The following WASHC5 variants were observed in gnomAD, a reference collection of about 807,000 sequenced individuals.
WASHC5 encodes the protein WASH complex subunit strumpellin.
Under a neutral mutation model 150.4 loss-of-function variants are expected in WASHC5, and 101 were observed. The ratio of observed to expected loss-of-function variants is 0.67; its 90% CI spans 0.57 to 0.79. WASHC5 has a LOEUF of 0.79. WASHC5 is among the 30% of genes least tolerant of loss of function. WASHC5 has a pLI of 0.00. For synonymous variants in WASHC5, 467 were observed against 491.2 expected, an observed-to-expected ratio of 0.95 and a Z score of 0.65; for missense variants, 1,195 against 1,396.3, an observed-to-expected ratio of 0.86 and a Z score of 2.30.
chr8:125,049,899 T>C lies in WASHC5; in HGVS notation c.2199+665A>G, dbSNP rs536137043. 9.2e-5 allele frequency among the ~76,000 whole-genome samples: 14 copies of C among 152,010 alleles called. No individual in the cohort carries two copies. In the East Asian group the frequency reaches 1.5e-3, roughly 17 times the overall value. ...GAGACCACAGTCATAGTTTAAGATATACTTTAAGTTTTGGAATACTCATTT... is the reference window on the plus strand; with the variant it reads ...GAGACCACAGTCATAGTTTAAGATACACTTTAAGTTTTGGAATACTCATTT... On this transcript the variant is annotated intron_variant, in intron 18 of 28. Transcript: ENST00000318410.
intron 27 of WASHC5, among the ~76,000 whole-genome samples, chr8:125,030,277 G>A (rs1005528237): frequency 6.6e-6 from 1 of 152,180 alleles, no homozygotes; most frequent in African/African-American, 2.4e-5. Flanking sequence ...GGCCAGAGGC[G>A]CTGGGTTTTT....
Position 125,076,744 on chromosome 8 carries a change from T to TAAAAAAAAAAAAAA in WASHC5, c.712-258_712-245dup, listed in dbSNP as rs59580091. Among the ~76,000 whole-genome samples, 2,845 of 131,732 alleles carry TAAAAAAAAAAAAAA rather than the reference T, an allele frequency of 0.022. 146 individuals are homozygous for TAAAAAAAAAAAAAA. Among genetic ancestry groups the TAAAAAAAAAAAAAA allele is most frequent in the African/African-American group, 0.084 (2,615 of 31,050 alleles). 86.4% of individuals were successfully genotyped at this position (131,732 alleles called of 152,430 possible). On this transcript the variant is annotated intron_variant, in intron 6 of 28. Coordinates refer to ENST00000318410, the MANE Select transcript of WASHC5 (RefSeq NM_014846.4). Reference sequence around the variant, plus strand: ...ACCGCTGCAATTCTAAGTCTTTTCTTAAAAAAAAAAAAAAAAAGTCCCATT... The same window carrying TAAAAAAAAAAAAAA: ...ACCGCTGCAATTCTAAGTCTTTTCTTAAAAAAAAAAAAAAAAAAAAAAAAAAAAAAAGTCCCATT...
At position 125,024,303 on chromosome 8, in the gene WASHC5, ACAAATAGTTC is replaced by A; in HGVS notation, c.*304_*313del. 5.1e-6 allele frequency: 2 copies of A among 389,034 alleles called. No homozygotes were observed. Among genetic ancestry groups the A allele is most frequent in the Non-Finnish European group, 9.5e-6 (2 of 210,038 alleles). The allele number at this position is 389,034 out of a possible 1,614,324, so 24.1% of individuals were successfully genotyped here. A position where few individuals can be genotyped will look rare whatever the true frequency, so the allele number is the denominator to read the frequency against. On this transcript the variant is annotated 3_prime_UTR_variant, in exon 29 of 29. Transcript: ENST00000318410. ...TATTTTACTGAAAATCTGGAGTTGCACAAATAGTTCTTTAGAACATAAAACTAAATGGATT... is the reference window on the plus strand; with the variant it reads ...TATTTTACTGAAAATCTGGAGTTGCATTTAGAACATAAAACTAAATGGATT...
At chr8:125,073,346 A>G in intron 8 of WASHC5, 22 bp from the exon 9 acceptor site, 1 of 1,596,932 alleles carries the variant, frequency 6.3e-7, no homozygotes, top group South Asian at 1.1e-5. Flanking sequence ...AGAAACTTGA[A>G]TTACATTTAA....
At chr8:125,086,207 C>G (rs1313708265) in intron 1 of WASHC5, among the ~76,000 whole-genome samples, 1 of 152,178 alleles carries the variant, frequency 6.6e-6, no homozygotes, top group African/African-American at 2.4e-5. Context: ...GCGAGAACTT[C>G]AAGATCAAGG....
chr8:125,078,960 A>G (rs1334380233), intron 5 of WASHC5, 30 bp from the exon 6 acceptor site: 1 of 1,569,132 alleles, frequency 6.4e-7, no homozygotes, highest in Non-Finnish European at 8.8e-7. Context: ...GGAAACAAAG[A>G]CCCAAAACAC....
chr8:125,039,442 T>C (rs1815818094), intron 24 of WASHC5, among the ~76,000 whole-genome samples: 1 of 152,186 alleles, frequency 6.6e-6, no homozygotes, highest in Non-Finnish European at 1.5e-5. Flanking sequence ...ATTTTGGTAA[T>C]AATTGCTTTC....
Position 125,067,693 on chromosome 8 carries a change from G to C in WASHC5, c.1177C>G (p.Arg393Gly). Residue 393 changes from arginine (R) to glycine (G), a missense_variant, in exon 10 of 29, where the codon CGT (arginine) becomes GGT (glycine). Physicochemically the swap from Arg to Gly is moderately radical, Grantham distance 125. Around this residue, in one of 3 missense-constraint regions of WASHC5, gnomAD observed 997 missense variants for 1,168.1 expected, o/e 0.85. Transcript: ENST00000318410. The stretch of plus-strand genomic sequence containing the variant: ...GTTAGAATCTGGTCCTTGATTTGAC[G>C]AAGGCGTTTGTTGTTTGGGTCACAG... ...SACDPNNKRL[R>G]QIKDQILTDS... 1 of 1,613,852 alleles carries C rather than the reference G, an allele frequency of 6.2e-7. No homozygotes were observed. The highest frequency in any genetic ancestry group is 8.5e-7 in the Non-Finnish European group (1 of 1,179,818).
rs374127595 is a variant in WASHC5, at chr8:125,044,112, C to T, written c.2668-18G>A. 1.8e-4 allele frequency: 262 copies of T among 1,492,460 alleles called. No homozygotes were observed. Among genetic ancestry groups the T allele is most frequent in the Non-Finnish European group, 2.2e-4 (238 of 1,069,872 alleles). The allele number at this position is 1,492,460 out of a possible 1,614,324, so 92.5% of individuals were successfully genotyped here. On this transcript the variant is annotated intron_variant, in intron 21 of 28. Transcript: ENST00000318410. ...AGGAAATTCTAAAAACAAGAAGGCA[C>T]GGTCAAAGAACCAAACATAATGAAT... is the stretch of plus-strand genomic sequence containing the variant.
At chr8:125,034,297 C>T (rs1030168973) in intron 26 of WASHC5, among the ~76,000 whole-genome samples, 2 of 151,962 alleles carry the variant, frequency 1.3e-5, no homozygotes, top group African/African-American at 2.4e-5. Context: ...GTCAGGAGTT[C>T]GAGACCAGCC....
intron 1 of WASHC5, among the ~76,000 whole-genome samples, chr8:125,089,729 G>A (rs1467836796): frequency 6.6e-6 from 1 of 152,192 alleles, no homozygotes; most frequent in African/African-American, 2.4e-5. Flanking sequence ...TTCAGTCTGG[G>A]ATAACGACAG....
chr8:125,055,483 C>G, intron 17 of WASHC5, 108 bp downstream of exon 17: 2 of 780,200 alleles, frequency 2.6e-6, no homozygotes, highest in South Asian at 1.4e-5. Flanking sequence ...ATTGGAATGT[C>G]AAACAGCCAG....
At chr8:125,034,782 G>C (rs979034258) in intron 26 of WASHC5, among the ~76,000 whole-genome samples, 5 of 152,136 alleles carry the variant, frequency 3.3e-5, no homozygotes, top group African/African-American at 1.2e-4. Context: ...GAACATGGAG[G>C]AAGAATCCTA....
chr8:125,029,063 A>C (rs1586329926), intron 27 of WASHC5, among the ~76,000 whole-genome samples: 6 of 130,632 alleles, frequency 4.6e-5, no homozygotes, highest in South Asian at 2.3e-4. Context: ...CAGACTTTTC[A>C]CTCTTGTAGC....
chr8:125,052,633 C>T (rs1335643478), intron 17 of WASHC5, among the ~76,000 whole-genome samples: 1 of 151,678 alleles, frequency 6.6e-6, no homozygotes, highest in African/African-American at 2.4e-5. Context: ...CACACACACA[C>T]ACACACATAC....
intron 28 of WASHC5, among the ~76,000 whole-genome samples, chr8:125,027,845 A>C (rs1347739216): frequency 6.6e-6 from 1 of 152,154 alleles, no homozygotes; most frequent in South Asian, 2.1e-4. Context: ...TTTTATTTTC[A>C]TTTCATTTCT....
At position 125,043,943 on chromosome 8, in the gene WASHC5, G is replaced by A. The variant is rs199604847; in HGVS notation, c.2771-39C>T. The A allele has an allele frequency of 3.5e-5, 54 of 1,565,028 alleles. No individual in the cohort carries two copies. The East Asian group carries it at 7.3e-4, about 21-fold the overall frequency. On this transcript the variant is annotated intron_variant, in intron 22 of 28. Coordinates refer to ENST00000318410, the MANE Select transcript of WASHC5 (RefSeq NM_014846.4). ...ACATAATTTTCTCTTTAGTACATTC[G>A]TAAAGGCTACAGTGTCATCCCCGCC...
intron 9 of WASHC5, 95 bp from the exon 10 acceptor site, chr8:125,067,814 T>C: frequency 7.2e-7 from 1 of 1,380,524 alleles, no homozygotes; most frequent in Non-Finnish European, 1.0e-6. Flanking sequence ...ATTTTAACCA[T>C]TTAAAAAGTA....
intron 23 of WASHC5, among the ~76,000 whole-genome samples, chr8:125,040,119 C>T (rs966908998): frequency 6.6e-6 from 1 of 152,170 alleles, no homozygotes; most frequent in Non-Finnish European, 1.5e-5. Context: ...TCCCATACCC[C>T]AACCTAAAAA....
Sources: gnomAD v4.1 joint callset for allele counts (sites outside exome capture counted in the v4.1 genomes callset) on GRCh38, gnomAD v4.1.1 for gene constraint, gnomAD v4.1.1 regional missense constraint, MANE v1.5 for transcripts, NCBI Gene and HGNC (gene_info 2026-07-23, HGNC 2026-07-21) for gene names.